Variants in SLC45A2 observed in about 807,000 individuals in gnomAD.
SLC45A2 encodes membrane-associated transporter protein.
A neutral mutation model predicts 45.5 loss-of-function variants in SLC45A2; 36 were observed. The observed-to-expected ratio is 0.79, with a 90% CI of 0.61 to 1.04. The LOEUF (loss-of-function observed/expected upper bound fraction) is 1.04, where lower values mean the gene tolerates loss of function less well. Among genes scored for constraint, SLC45A2 ranks in the 50% least tolerant of loss-of-function variants. The pLI is 0.00. For synonymous variants in SLC45A2, 306 were observed against 269.3 expected, an observed-to-expected ratio of 1.14 and a Z score of -1.33; for missense variants, 719 against 671.0, an observed-to-expected ratio of 1.07 and a Z score of -0.79.
rs771634345 is a variant in SLC45A2, at chr5:33,951,609, G to A, written c.1101C>T (p.Val367=). Residue 367 remains valine (V), a synonymous_variant, in exon 5 of 7, where the codon GTC becomes GTT. Transcript: ENST00000296589. Reference sequence around the variant, plus strand: ...TGCACAAGCCCCAACATCCAACCTCGACTCCTCTTTCGTAGATGAGAAACT... The same window carrying A: ...TGCACAAGCCCCAACATCCAACCTCAACTCCTCTTTCGTAGATGAGAAACT... The part of the protein sequence containing the change: ...STEFLIYERG[V]EVGCWGLCIN... 1.2e-6 allele frequency: 2 copies of A among 1,614,136 alleles called. No homozygotes were observed. The highest frequency in any genetic ancestry group is 1.7e-6 in the Non-Finnish European group (2 of 1,179,994).
At chr5:33,979,774 T>C (rs967613340) in intron 2 of SLC45A2, among the ~76,000 whole-genome samples, 1 of 152,172 alleles carries the variant, frequency 6.6e-6, no homozygotes, top group Non-Finnish European at 1.5e-5. Context: ...CAACCACCCA[T>C]TCCCATCATG....
intron 2 of SLC45A2, among the ~76,000 whole-genome samples, chr5:33,969,517 C>G (rs539804567): frequency 1.3e-5 from 2 of 152,152 alleles, no homozygotes; most frequent in Non-Finnish European, 2.9e-5. Context: ...CAGGATGCCT[C>G]GTTGCTTTGA....
intron 2 of SLC45A2, among the ~76,000 whole-genome samples, chr5:33,968,878 A>C (rs1752684946): frequency 6.6e-6 from 1 of 152,184 alleles, no homozygotes; most frequent in South Asian, 2.1e-4. Flanking sequence ...GAAGGAGGAC[A>C]GACTAAAGAA....
At chr5:33,958,430 G>A (rs936090452) in intron 3 of SLC45A2, among the ~76,000 whole-genome samples, 1 of 152,288 alleles carries the variant, frequency 6.6e-6, no homozygotes, top group East Asian at 1.9e-4. Flanking sequence ...ACATTTGGAA[G>A]AGAAGTGCAA....
chr5:33,959,607 A>G (rs1379499009), intron 3 of SLC45A2, among the ~76,000 whole-genome samples: 1 of 152,148 alleles, frequency 6.6e-6, no homozygotes, highest in Admixed American at 6.5e-5. Flanking sequence ...CACTCATCCT[A>G]AAATAGGAGC....
intron 2 of SLC45A2, chr5:33,970,983 A>G: frequency 4.0e-6 from 2 of 493,894 alleles, no homozygotes; most frequent in Non-Finnish European, 8.2e-6. Flanking sequence ...AAACCGTATG[A>G]AAAGTCTGAA....
In SLC45A2 at chr5:33,945,542, G is replaced by GTT. The variant is rs35895021; in HGVS notation, c.1369-672_1369-671dup. ...GGTATCGCTTATGTGCTGGGCCTGG[G>GTT]TTTTTTTTTTACCTGTTACTGTATT... On this transcript the variant is annotated intron_variant, in intron 6 of 6. Transcript: ENST00000296589. Among the ~76,000 whole-genome samples the GTT allele has an allele frequency of 5.2e-3, 772 of 149,118 alleles. 5 individuals carry two copies. The highest frequency in any genetic ancestry group is 0.018 in the African/African-American group (745 of 40,762).
intron 2 of SLC45A2, among the ~76,000 whole-genome samples, chr5:33,966,476 C>T (rs561472454): frequency 3.6e-4 from 51 of 142,396 alleles, no homozygotes; most frequent in African/African-American, 1.4e-3. Flanking sequence ...CTCTGTCGCC[C>T]AGGCCGGACT....
chr5:33,980,480 C>G (rs750711653), intron 2 of SLC45A2, among the ~76,000 whole-genome samples: 5 of 152,206 alleles, frequency 3.3e-5, no homozygotes, highest in Non-Finnish European at 5.9e-5. Flanking sequence ...GGAATCACAC[C>G]ACTTCCACAT....
intron 2 of SLC45A2, among the ~76,000 whole-genome samples, chr5:33,981,766 T>C (rs1217918752): frequency 6.6e-6 from 1 of 152,246 alleles, no homozygotes; most frequent in Non-Finnish European, 1.5e-5. Flanking sequence ...TTTCTCTTTT[T>C]GTTTTTTAAA....
intron 3 of SLC45A2, among the ~76,000 whole-genome samples, chr5:33,962,072 A>G (rs866941891): frequency 6.6e-6 from 1 of 152,048 alleles, no homozygotes; most frequent in Admixed American, 6.5e-5. Flanking sequence ...TTTATCTTTC[A>G]TGCTGTTTTC....
rs772902343 is a variant in SLC45A2, at chr5:33,963,773, C to T, written c.806G>A (p.Gly269Asp). Reference protein sequence around the residue: ...PLSSDGMYEYGSIEKVKNGYV... With the variant: ...PLSSDGMYEYDSIEKVKNGYV... ...ACCATTTTTAACTTTCTCGATAGAA[C>T]CATACTCGTACATTCCATCTGATGA... Residue 269 changes from glycine (G) to aspartate (D), a missense_variant, in exon 3 of 7, where the codon GGT (glycine) becomes GAT (aspartate). Physicochemically the swap from Gly to Asp is moderately conservative, Grantham distance 94 (BLOSUM62 -1). Transcript: ENST00000296589. 59 of 1,614,040 alleles carry T rather than the reference C, an allele frequency of 3.7e-5. No individual in the cohort carries two copies. The highest frequency in any genetic ancestry group is 4.6e-5 in the Non-Finnish European group (54 of 1,180,032).
chr5:33,954,809 A>T (rs1579539880), intron 3 of SLC45A2, among the ~76,000 whole-genome samples: 1 of 152,322 alleles, frequency 6.6e-6, no homozygotes, highest in East Asian at 1.9e-4. Flanking sequence ...TCTGAATGAC[A>T]GAACTGTTGC....
chr5:33,957,415 C>T (rs1752307075), intron 3 of SLC45A2, among the ~76,000 whole-genome samples: 1 of 151,990 alleles, frequency 6.6e-6, no homozygotes, highest in African/African-American at 2.4e-5. Context: ...TTATATTCGC[C>T]CATTTTAATT....
At chr5:33,976,900 G>A (rs956348799) in intron 2 of SLC45A2, among the ~76,000 whole-genome samples, 33 of 152,282 alleles carry the variant, frequency 2.2e-4, no homozygotes, top group Non-Finnish European at 3.8e-4. Flanking sequence ...TGGACTCAGC[G>A]GCAACAAGGG....
intron 3 of SLC45A2, among the ~76,000 whole-genome samples, chr5:33,960,128 C>T (rs1002810633): frequency 1.3e-5 from 2 of 152,106 alleles, no homozygotes; most frequent in African/African-American, 2.4e-5. Context: ...TGGATCAAAT[C>T]GTAGCTCTAC....
At chr5:33,961,584 A>G (rs768788993) in intron 3 of SLC45A2, among the ~76,000 whole-genome samples, 1 of 152,172 alleles carries the variant, frequency 6.6e-6, no homozygotes, top group Non-Finnish European at 1.5e-5. Flanking sequence ...GATCTCTTCC[A>G]TAACGCTTTT....
chr5:33,960,819 G>T (rs780105689), intron 3 of SLC45A2, among the ~76,000 whole-genome samples: 1 of 152,108 alleles, frequency 6.6e-6, no homozygotes, highest in Non-Finnish European at 1.5e-5. Flanking sequence ...AAATAAGTCT[G>T]CTGTTTACCT....
chr5:33,963,378 A>G (rs986069227), intron 3 of SLC45A2, among the ~76,000 whole-genome samples: 1 of 152,162 alleles, frequency 6.6e-6, no homozygotes, highest in Non-Finnish European at 1.5e-5. Flanking sequence ...ATCTAAGGGG[A>G]TATTTCTTCT....
Sources: gnomAD v4.1 joint callset for allele counts (sites outside exome capture counted in the v4.1 genomes callset) on GRCh38, gnomAD v4.1.1 for gene constraint, MANE v1.5 for transcripts, NCBI Gene and HGNC (gene_info 2026-07-23, HGNC 2026-07-21) for gene names.